The following FBXO4 variants were observed in gnomAD, a reference collection of about 807,000 sequenced individuals.
The protein encoded by FBXO4 is F-box protein 4.
In FBXO4, 36 loss-of-function variants were observed where a neutral mutation model predicts 43.7. The ratio of observed to expected loss-of-function variants is 0.82; its 90% CI spans 0.63 to 1.09. The LOEUF (loss-of-function observed/expected upper bound fraction) is 1.09. Among genes scored for constraint, FBXO4 ranks in the 50% least tolerant of loss-of-function variants. FBXO4 has a pLI of 0.00. For missense variants in FBXO4, 435 were observed against 474.1 expected (o/e 0.92, Z 0.77); for synonymous variants, 180 against 165.6 (o/e 1.09, Z -0.67).
chr5:41,982,718 T>C, the FBXO4 span, among the ~76,000 whole-genome samples: 630 of 152,288 alleles, frequency 4.1e-3, 3 homozygotes, highest in African/African-American at 0.015. Flanking sequence ...CAATTATGTA[T>C]TTTATTATTA....
chr5:41,998,579 T>C, the FBXO4 span, among the ~76,000 whole-genome samples: 2 of 152,190 alleles, frequency 1.3e-5, no homozygotes. Context: ...AGCTGAAACA[T>C]TAAATGCAGA....
chr5:41,953,724 G>A, the FBXO4 span, among the ~76,000 whole-genome samples: 1 of 151,758 alleles, frequency 6.6e-6, no homozygotes, highest in Non-Finnish European at 1.5e-5. Flanking sequence ...TTGTGGTTTT[G>A]ATTTGCATTT....
chr5:41,957,240 A>T, the FBXO4 span, among the ~76,000 whole-genome samples: 1 of 151,906 alleles, frequency 6.6e-6, no homozygotes, highest in Non-Finnish European at 1.5e-5. Flanking sequence ...AACTACACAT[A>T]TGATAACTTA....
chr5:41,950,615 G>C, the FBXO4 span, among the ~76,000 whole-genome samples: 26 of 152,300 alleles, frequency 1.7e-4, no homozygotes, highest in Admixed American at 1.1e-3. Context: ...ACTGTTGGTG[G>C]GAGTGTAAAT....
chr5:42,013,508 G>C, the FBXO4 span, among the ~76,000 whole-genome samples: 1 of 152,060 alleles, frequency 6.6e-6, no homozygotes, highest in Non-Finnish European at 1.5e-5. Flanking sequence ...ATTCTATTTT[G>C]AACCTTGTTT....
the FBXO4 span, among the ~76,000 whole-genome samples, chr5:42,012,599 G>A: frequency 3.3e-5 from 5 of 152,100 alleles, no homozygotes; most frequent in Admixed American, 3.3e-4. Flanking sequence ...ATGCTAAGTT[G>A]GGGGTCAAGC....
At chr5:41,967,826 T>C in the FBXO4 span, 4 of 599,478 alleles carry the variant, frequency 6.7e-6, no homozygotes, top group Admixed American at 7.6e-5. Context: ...TTACCATCAT[T>C]ATTCAATTTA....
the FBXO4 span, among the ~76,000 whole-genome samples, chr5:41,946,816 C>T: frequency 1.3e-5 from 2 of 152,148 alleles, no homozygotes; most frequent in South Asian, 4.2e-4. Context: ...ATAGAAGACC[C>T]CACACTGTCT....
At chr5:42,002,055 G>A in the FBXO4 span, among the ~76,000 whole-genome samples, 6 of 152,248 alleles carry the variant, frequency 3.9e-5, no homozygotes, top group South Asian at 1.2e-3. Flanking sequence ...AAATGTGTAT[G>A]TTGATTTTGT....
the FBXO4 span, among the ~76,000 whole-genome samples, chr5:41,950,237 C>G: frequency 6.6e-6 from 1 of 152,102 alleles, no homozygotes; most frequent in African/African-American, 2.4e-5. Context: ...AACTAAAGAG[C>G]TTCTGCACAG....
chr5:42,001,005 G>A, the FBXO4 span, among the ~76,000 whole-genome samples: 2 of 152,136 alleles, frequency 1.3e-5, no homozygotes, highest in Non-Finnish European at 2.9e-5. Flanking sequence ...AAATCAGAAA[G>A]TGTGATGATT....
the FBXO4 span, among the ~76,000 whole-genome samples, chr5:42,037,178 G>A: frequency 6.6e-6 from 1 of 152,034 alleles, no homozygotes; most frequent in Non-Finnish European, 1.5e-5. Context: ...TAGTATTTGT[G>A]TCAACAGAAG....
chr5:41,968,093 T>C, the FBXO4 span: 1 of 346,978 alleles, frequency 2.9e-6, no homozygotes, highest in Non-Finnish European at 6.0e-6. Context: ...TGGCAATGGG[T>C]TCTTCCCAAG....
the FBXO4 span, among the ~76,000 whole-genome samples, chr5:41,950,440 T>C: frequency 6.6e-6 from 1 of 152,172 alleles, no homozygotes; most frequent in African/African-American, 2.4e-5. Flanking sequence ...AAGACATTTA[T>C]GCAGCCAACA....
At chr5:41,955,423 A>G in the FBXO4 span, among the ~76,000 whole-genome samples, 1 of 152,210 alleles carries the variant, frequency 6.6e-6, no homozygotes, top group Non-Finnish European at 1.5e-5. Context: ...AAAAAAATGA[A>G]CAATATTTAT....
chr5:42,023,882 C>T, the FBXO4 span, among the ~76,000 whole-genome samples: 1 of 152,024 alleles, frequency 6.6e-6, no homozygotes, highest in East Asian at 1.9e-4. Flanking sequence ...AGCCGACTAT[C>T]TGCACCTTGC....
intron 6 of FBXO4, 26 bp from the exon 7 acceptor site, chr5:41,941,166 C>A (rs761587767): frequency 6.3e-6 from 10 of 1,591,394 alleles, no homozygotes; most frequent in Non-Finnish European, 8.6e-6. Flanking sequence ...TTCTTACTAA[C>A]AACATTCTCT....
chr5:41,979,577 A>G, the FBXO4 span, among the ~76,000 whole-genome samples: 2 of 152,334 alleles, frequency 1.3e-5, no homozygotes, highest in Admixed American at 1.3e-4. Flanking sequence ...GCCAGTTTCA[A>G]ACTACCAACA....
the FBXO4 span, among the ~76,000 whole-genome samples, chr5:42,038,652 T>C: frequency 6.6e-6 from 1 of 152,064 alleles, no homozygotes; most frequent in African/African-American, 2.4e-5. Flanking sequence ...TTTTAAAGCA[T>C]ACAATAAATT....
Sources: gnomAD v4.1 joint callset for allele counts (sites outside exome capture counted in the v4.1 genomes callset) on GRCh38, gnomAD v4.1.1 for gene constraint, MANE v1.5 for transcripts, NCBI Gene and HGNC (gene_info 2026-07-23, HGNC 2026-07-21) for gene names.